Variants in PDE10A observed in about 807,000 individuals in gnomAD.
The protein encoded by PDE10A is cAMP and cAMP-inhibited cGMP 3',5'-cyclic phosphodiesterase 10A.
Under a neutral mutation model 97.7 loss-of-function variants are expected in PDE10A, and 39 were observed. That is an observed-to-expected ratio of 0.40 (90% CI 0.31 to 0.52). The LOEUF is 0.52. Among genes scored for constraint, PDE10A ranks in the 20% least tolerant of loss-of-function variants. The pLI is 0.56. For synonymous variants in PDE10A, 371 were observed against 376.8 expected (o/e 0.98, Z 0.18); for missense variants, 731 against 1,047.8 (o/e 0.70, Z 4.17).
At chr6:165,403,389 A>G (rs962917331) in intron 13 of PDE10A, among the ~76,000 whole-genome samples, 1 of 152,136 alleles carries the variant, frequency 6.6e-6, no homozygotes, top group Non-Finnish European at 1.5e-5. Context: ...GAAATTGTCC[A>G]TATTGAGGGA....
intron 2 of PDE10A, among the ~76,000 whole-genome samples, chr6:165,526,517 C>T (rs1782456778): frequency 1.3e-5 from 2 of 152,186 alleles, no homozygotes; most frequent in African/African-American, 2.4e-5. Flanking sequence ...AATAATATCA[C>T]ATCTCTGGAG....
intron 13 of PDE10A, 90 bp downstream of exon 13, chr6:165,413,411 G>GAAAA (rs11296579): frequency 3.7e-5 from 14 of 376,402 alleles, no homozygotes; most frequent in South Asian, 7.6e-5. Context: ...AAATATAAAT[G>GAAAA]AAAAAAAAAA....
chr6:165,975,965 A>G (rs1044544424), intron 1 of PDE10A, among the ~76,000 whole-genome samples: 1 of 152,206 alleles, frequency 6.6e-6, no homozygotes, highest in Non-Finnish European at 1.5e-5. Flanking sequence ...ATTCTTTTGC[A>G]TTGTATTTTA....
intron 1 of PDE10A, among the ~76,000 whole-genome samples, chr6:165,588,288 T>TCA (rs71029554): frequency 1.9e-5 from 2 of 104,762 alleles, no homozygotes; most frequent in South Asian, 5.7e-4. Context: ...TTTCTTTTTT[T>TCA]TTTTTTTTTT....
At chr6:165,454,067 A>C (rs968027958) in intron 3 of PDE10A, among the ~76,000 whole-genome samples, 2 of 152,192 alleles carry the variant, frequency 1.3e-5, no homozygotes, top group Non-Finnish European at 2.9e-5. Context: ...TTAAAACTTA[A>C]TGTTGTTTCC....
intron 1 of PDE10A, among the ~76,000 whole-genome samples, chr6:165,719,615 A>T (rs952654213): frequency 7.4e-6 from 1 of 135,420 alleles, no homozygotes; most frequent in African/African-American, 2.6e-5. Flanking sequence ...CAGCACAATA[A>T]GTGTGTGACA....
intron 1 of PDE10A, chr6:165,940,197 A>G (rs1355173731): frequency 6.6e-6 from 1 of 152,262 alleles, no homozygotes; most frequent in Non-Finnish European, 1.5e-5. Context: ...CTATTCTTTC[A>G]GCAATATGTT....
At chr6:165,603,678 T>C (rs908613530) in intron 1 of PDE10A, among the ~76,000 whole-genome samples, 1 of 152,218 alleles carries the variant, frequency 6.6e-6, no homozygotes, top group African/African-American at 2.4e-5. Flanking sequence ...CTCTGTGTCC[T>C]ATGCGCAGAG....
chr6:165,712,629 TTC>T (rs1791924176), intron 1 of PDE10A, among the ~76,000 whole-genome samples: 2 of 123,458 alleles, frequency 1.6e-5, no homozygotes, highest in South Asian at 2.7e-4. Flanking sequence ...TCAACTTTCT[TTC>T]TTTTTTTTTT....
intron 18 of PDE10A, among the ~76,000 whole-genome samples, chr6:165,364,863 C>T (rs953685511): frequency 6.6e-6 from 1 of 151,884 alleles, no homozygotes; most frequent in Non-Finnish European, 1.5e-5. Flanking sequence ...TTGAAATAAC[C>T]TCTACATCAA....
chr6:165,962,126 C>T (rs747773947), intron 1 of PDE10A, among the ~76,000 whole-genome samples: 2 of 152,344 alleles, frequency 1.3e-5, no homozygotes, highest in Non-Finnish European at 2.9e-5. Flanking sequence ...GAGATTGGAA[C>T]CCAGTTTATT....
chr6:165,968,491 C>A (rs1034225040), intron 1 of PDE10A, among the ~76,000 whole-genome samples: 10 of 152,188 alleles, frequency 6.6e-5, no homozygotes, highest in African/African-American at 2.2e-4. Context: ...ACATTTTCAA[C>A]ACGCTAATTT....
chr6:165,533,835 T>C (rs574176158), intron 2 of PDE10A, among the ~76,000 whole-genome samples: 10 of 97,772 alleles, frequency 1.0e-4, no homozygotes, highest in Non-Finnish European at 2.6e-4. Flanking sequence ...CAATATAGTT[T>C]GCAACAAAGC....
intron 1 of PDE10A, among the ~76,000 whole-genome samples, chr6:165,606,822 A>G (rs1787233851): frequency 6.6e-6 from 1 of 152,088 alleles, no homozygotes; most frequent in Non-Finnish European, 1.5e-5. Context: ...CAGTGCGTGC[A>G]GGGGCTTAGG....
chr6:165,388,861 T>C lies in PDE10A; in HGVS notation c.2455-408A>G, dbSNP rs1330588426. Among the ~76,000 whole-genome samples the C allele has an allele frequency of 6.6e-6, 1 of 152,216 alleles. No individual in the cohort carries two copies. Among genetic ancestry groups the C allele is most frequent in the Non-Finnish European group, 1.5e-5 (1 of 68,038 alleles). On this transcript the variant is annotated intron_variant, in intron 16 of 21. Coordinates refer to ENST00000539869, the MANE Select transcript of PDE10A (RefSeq NM_001385079.1). The surrounding 1 kb of genome is among the most constrained non-coding windows in gnomAD (Gnocchi z 4.0). ...TAAATTCTAACAATGCTATTGCTAT[T>C]ATAAACAATAAATATAACAGGTAAA... is the stretch of plus-strand genomic sequence containing the variant.
chr6:165,713,962 C>G (rs998040536), intron 1 of PDE10A, among the ~76,000 whole-genome samples: 3 of 152,168 alleles, frequency 2.0e-5, no homozygotes, highest in Non-Finnish European at 4.4e-5. Context: ...TTACAAAATA[C>G]TTTAAGCCTG....
intron 1 of PDE10A, among the ~76,000 whole-genome samples, chr6:165,547,671 C>A (rs766503008): frequency 2.6e-5 from 4 of 152,092 alleles, no homozygotes; most frequent in Non-Finnish European, 5.9e-5. Flanking sequence ...TGGATAAACA[C>A]CACAGCAGTA....
At chr6:165,935,424 A>G (rs1037934457) in intron 1 of PDE10A, among the ~76,000 whole-genome samples, 4 of 152,218 alleles carry the variant, frequency 2.6e-5, no homozygotes, top group African/African-American at 9.7e-5. Context: ...GTAAGCCACT[A>G]AAGGATTTAA....
intron 1 of PDE10A, among the ~76,000 whole-genome samples, chr6:165,697,092 A>C (rs924265658): frequency 3.3e-5 from 5 of 152,206 alleles, no homozygotes; most frequent in Non-Finnish European, 7.3e-5. Context: ...AGTACCAGAA[A>C]TGAGGAAAAA....
Sources: allele counts gnomAD v4.1 joint callset (sites outside exome capture counted in the v4.1 genomes callset), GRCh38; gene constraint gnomAD v4.1.1; non-coding constraint Gnocchi (gnomAD v3.1); transcripts MANE v1.5; gene names NCBI Gene and HGNC (gene_info 2026-07-23, HGNC 2026-07-21).